The following UTP18 variants were observed in gnomAD, a reference collection of about 807,000 sequenced individuals.
UTP18 encodes UTP18 small subunit processome component.
UTP18 carries 36 observed loss-of-function variants against 61.1 expected under a neutral mutation model. That is an observed-to-expected ratio of 0.59 (90% CI 0.45 to 0.78). UTP18 has a LOEUF of 0.78. Among genes scored for constraint, UTP18 ranks in the 30% least tolerant of loss-of-function variants. The pLI, the probability that UTP18 is intolerant of heterozygous loss-of-function variation, is 0.00. For missense variants in UTP18, 753 were observed against 693.9 expected (o/e 1.09, Z -0.96); for synonymous variants, 282 against 251.1 (o/e 1.12, Z -1.16).
At chr17:51,278,496 A>G (rs753645610) in intron 7 of UTP18, among the ~76,000 whole-genome samples, 1 of 152,252 alleles carries the variant, frequency 6.6e-6, no homozygotes, top group Non-Finnish European at 1.5e-5. Context: ...GCCAAGATAC[A>G]GTTAGTGATC....
intron 9 of UTP18, among the ~76,000 whole-genome samples, chr17:51,282,889 G>C (rs1378830239): frequency 1.1e-5 from 1 of 91,258 alleles, no homozygotes; most frequent in East Asian, 3.3e-4. Flanking sequence ...TTTTTTTTGA[G>C]ACAGAGTCTC....
At chr17:51,286,582 G>T (rs776785125) in intron 10 of UTP18, 8 of 456,254 alleles carry the variant, frequency 1.8e-5, no homozygotes, top group South Asian at 1.1e-4. Context: ...GGAGCTTGGA[G>T]ACCAGGCCAT....
At chr17:51,276,088 TTCATAGCTAAAACA>T in intron 6 of UTP18, 97 bp downstream of exon 6, 1 of 1,242,632 alleles carries the variant, frequency 8.0e-7, no homozygotes. Flanking sequence ...GAAAAAGATA[TTCATAGCTAAAACA>T]TCATAGCCCG....
At chr17:51,264,049 T>A (rs4793690) in intron 2 of UTP18, among the ~76,000 whole-genome samples, 57,519 of 150,180 alleles carry the variant, frequency 0.38, 12,426 homozygotes, top group East Asian at 0.6. Flanking sequence ...TTTAATTATT[T>A]TTTTTGAAAC....
intron 5 of UTP18, among the ~76,000 whole-genome samples, chr17:51,273,707 G>C (rs986126147): frequency 1.3e-5 from 2 of 148,974 alleles, no homozygotes; most frequent in African/African-American, 4.9e-5. Context: ...CTGTACTTTA[G>C]CCCGGGTGAA....
chr17:51,268,832 C>T lies in UTP18; in HGVS notation c.555-5C>T. On this transcript the variant is annotated splice_polypyrimidine_tract_variant and splice_region_variant and intron_variant, in intron 3 of 13. Coordinates refer to ENST00000225298, the MANE Select transcript of UTP18 (RefSeq NM_016001.3). ...TAAATATATTTTTCAAATATTTTTG[C>T]TTAGATTCCAACATGCCATGGGAGG... The T allele has an allele frequency of 6.2e-7, 1 of 1,613,316 alleles. No homozygotes were observed. Among genetic ancestry groups the T allele is most frequent in the Non-Finnish European group, 8.5e-7 (1 of 1,179,470 alleles).
rs771527473 is a variant in UTP18 at position 51,260,756 on chromosome 17, G to T, written c.172G>T (p.Ala58Ser). The T allele has an allele frequency of 6.3e-7, 1 of 1,582,010 alleles. No homozygotes were observed. The highest frequency in any genetic ancestry group is 8.6e-7 in the Non-Finnish European group (1 of 1,165,038). Residue 58 changes from alanine (A) to serine (S), a missense_variant, in exon 1 of 14, where the codon GCC becomes TCC. Ala to Ser is a moderately conservative substitution (Grantham distance 99, BLOSUM62 1). Transcript: ENST00000225298. ...ACCGCCGGCCCGGCCGAGCGCGGCG[G>T]CCGCTGCGATTGCAGTCGCGGCGGC... ...RKPPARPSAA[A>S]AAIAVAAAEE...
chr17:51,271,351 G>A (rs1904523618), intron 4 of UTP18, among the ~76,000 whole-genome samples: 1 of 151,890 alleles, frequency 6.6e-6, no homozygotes. Context: ...CTATCGCCCA[G>A]TCTGGAGTGC....
intron 12 of UTP18, among the ~76,000 whole-genome samples, chr17:51,296,069 A>G (rs1297714430): frequency 6.6e-6 from 1 of 152,232 alleles, no homozygotes; most frequent in African/African-American, 2.4e-5. Context: ...AAGATAACCA[A>G]AACTTATATG....
intron 11 of UTP18, among the ~76,000 whole-genome samples, chr17:51,291,136 G>T (rs747059447): frequency 2.6e-5 from 4 of 152,226 alleles, no homozygotes; most frequent in Non-Finnish European, 4.4e-5. Context: ...GCTCACGCCT[G>T]TAATCCCAGC....
At chr17:51,266,090 T>A (rs920569139) in intron 2 of UTP18, 92 bp from the exon 3 acceptor site, 1 of 927,260 alleles carries the variant, frequency 1.1e-6, no homozygotes, top group African/African-American at 1.8e-5. Context: ...CTATATTGTT[T>A]CATTAAACAT....
At chr17:51,269,293 T>TA (rs1904422448) in intron 4 of UTP18, among the ~76,000 whole-genome samples, 2 of 9,960 alleles carry the variant, frequency 2.0e-4, no homozygotes, top group Non-Finnish European at 3.6e-4. Flanking sequence ...AGACTCTGTC[T>TA]CAAAAAAAAA....
In UTP18 at chr17:51,288,162, T is replaced by G; in HGVS notation, c.1462T>G (p.Leu488Val). 1 of 1,599,898 alleles carries G rather than the reference T, an allele frequency of 6.3e-7. No individual in the cohort carries two copies. Among genetic ancestry groups the G allele is most frequent in the Non-Finnish European group, 8.5e-7 (1 of 1,176,600 alleles). The change falls in exon 11 of 14, where the codon TTG (leucine) becomes GTG (valine). Residue 488 changes from leucine to valine, a missense_variant. Physicochemically the swap from Leu to Val is conservative, Grantham distance 32. Coordinates refer to ENST00000225298, the MANE Select transcript of UTP18 (RefSeq NM_016001.3). The stretch of plus-strand genomic sequence containing the variant: ...GACCTTCAATCCTACTACAGAAATC[T>G]TGGCAATTGCTTCAGAAAAAATGAA... ...SLTFNPTTEI[L>V]AIASEKMKEA...
Position 51,260,565 on chromosome 17 carries a change from G to T in UTP18, c.-20G>T. ...AGCGAGGTTCCACGTGAGCGCCTGCGTTTCTCCTCAAACCTAACGATGCCG... is the reference window on the plus strand; with the variant it reads ...AGCGAGGTTCCACGTGAGCGCCTGCTTTTCTCCTCAAACCTAACGATGCCG... On this transcript the variant is annotated 5_prime_UTR_variant, in exon 1 of 14. Transcript: ENST00000225298. The T allele has an allele frequency of 6.2e-7, 1 of 1,602,888 alleles. No individual in the cohort carries two copies. Among genetic ancestry groups the T allele is most frequent in the African/African-American group, 1.3e-5 (1 of 74,276 alleles).
chr17:51,286,822 G>GT (rs199848755), intron 10 of UTP18, among the ~76,000 whole-genome samples: 4 of 151,220 alleles, frequency 2.6e-5, no homozygotes, highest in African/African-American at 9.8e-5. Context: ...ATTATAAGTA[G>GT]TTTTTAAATT....
chr17:51,287,631 G>A (rs1905150190), intron 10 of UTP18, among the ~76,000 whole-genome samples: 1 of 152,260 alleles, frequency 6.6e-6, no homozygotes, highest in South Asian at 2.1e-4. Context: ...GGAATGCAGT[G>A]CATAATTAGG....
At chr17:51,271,867 C>T (rs1904541811) in intron 4 of UTP18, among the ~76,000 whole-genome samples, 2 of 152,042 alleles carry the variant, frequency 1.3e-5, no homozygotes, top group South Asian at 4.2e-4. Flanking sequence ...GGGGTTTCAC[C>T]ATTTTGGTCA....
intron 4 of UTP18, among the ~76,000 whole-genome samples, chr17:51,271,025 G>A (rs1232802682): frequency 2.0e-5 from 3 of 152,036 alleles, no homozygotes; most frequent in South Asian, 2.1e-4. Flanking sequence ...ACTGAGTTTC[G>A]TTATAAGAAA....
At chr17:51,283,293 TG>T (rs1905007495) in intron 9 of UTP18, among the ~76,000 whole-genome samples, 1 of 150,756 alleles carries the variant, frequency 6.6e-6, no homozygotes. Context: ...CTCAGCCTCC[TG>T]GGTAGCTGGG....
Sources: gnomAD v4.1 joint callset for allele counts (sites outside exome capture counted in the v4.1 genomes callset) on GRCh38, gnomAD v4.1.1 for gene constraint, MANE v1.5 for transcripts, NCBI Gene and HGNC (gene_info 2026-07-23, HGNC 2026-07-21) for gene names.